GRM8: variants seen among roughly 807,000 people sequenced by gnomAD.
The protein encoded by GRM8 is glutamate metabotropic receptor 8.
In GRM8, 47 loss-of-function variants were observed where a neutral mutation model predicts 87.2. The observed-to-expected ratio is 0.54, with a 90% CI of 0.43 to 0.69. The LOEUF (loss-of-function observed/expected upper bound fraction) is 0.69, where lower values mean the gene tolerates loss of function less well. Ranked by LOEUF, GRM8 falls within the 30% of genes least tolerant of loss-of-function variation. The probability of loss-of-function intolerance (pLI) is 0.00; values close to 1 mark genes in which losing one functional copy is unlikely to be tolerated. For missense variants in GRM8, 1,019 were observed against 1,139.2 expected (o/e 0.89, Z 1.52); for synonymous variants, 396 against 404.5 (o/e 0.98, Z 0.25).
intron 7 of GRM8, among the ~76,000 whole-genome samples, chr7:126,662,817 T>C (rs1031737944): frequency 2.0e-5 from 3 of 152,164 alleles, no homozygotes; most frequent in African/African-American, 7.2e-5. Context: ...AAATGGATTA[T>C]GAAATGTTTA....
chr7:126,733,638 GA>G (rs1316632468), intron 7 of GRM8, among the ~76,000 whole-genome samples: 5 of 151,844 alleles, frequency 3.3e-5, no homozygotes, highest in Admixed American at 1.3e-4. Flanking sequence ...TAGACATTTG[GA>G]AAAAATTGAT....
At chr7:126,506,229 T>C (rs1022640332) in intron 9 of GRM8, among the ~76,000 whole-genome samples, 3 of 151,394 alleles carry the variant, frequency 2.0e-5, no homozygotes, top group Middle Eastern at 3.2e-3. Context: ...ACACGTATGA[T>C]TGTGTGTGTG....
intron 9 of GRM8, among the ~76,000 whole-genome samples, chr7:126,472,362 T>C (rs1805374713): frequency 6.6e-6 from 1 of 152,134 alleles, no homozygotes; most frequent in Non-Finnish European, 1.5e-5. Context: ...ATACCTCCCA[T>C]CAATACCTAA....
intron 3 of GRM8, among the ~76,000 whole-genome samples, chr7:127,076,888 G>T (rs1410347012): frequency 6.6e-6 from 1 of 152,268 alleles, no homozygotes. Flanking sequence ...GCTGTCTGTG[G>T]TTAAACAGTG....
intron 9 of GRM8, among the ~76,000 whole-genome samples, chr7:126,489,215 C>A (rs9886130): frequency 6.6e-6 from 1 of 151,598 alleles, no homozygotes; most frequent in Admixed American, 6.6e-5. Context: ...ATTTAAATGA[C>A]GTATTTTATG....
At chr7:127,242,574 G>T (rs942039675) in intron 2 of GRM8, 121 bp downstream of exon 2, 27 of 882,158 alleles carry the variant, frequency 3.1e-5, no homozygotes, top group Non-Finnish European at 4.7e-5. Flanking sequence ...GAGGAACCTG[G>T]TAACACCAAA....
chr7:127,095,875 C>G (rs1824601461), intron 3 of GRM8: 1 of 152,144 alleles, frequency 6.6e-6, no homozygotes, highest in Admixed American at 6.5e-5. Context: ...AAGCAAAGAC[C>G]ATGATTTGTC....
intron 9 of GRM8, among the ~76,000 whole-genome samples, chr7:126,479,008 T>C (rs1480199298): frequency 1.3e-5 from 2 of 152,088 alleles, no homozygotes; most frequent in African/African-American, 4.8e-5. Flanking sequence ...CACATATTTC[T>C]CAGAAGATGA....
At chr7:126,517,377 A>G (rs1156837373) in intron 9 of GRM8, among the ~76,000 whole-genome samples, 1 of 152,088 alleles carries the variant, frequency 6.6e-6, no homozygotes, top group African/African-American at 2.4e-5. Context: ...ACTCAAACCA[A>G]TCCTGTGTGC....
At chr7:127,008,849 G>A (rs1814590276) in intron 3 of GRM8, among the ~76,000 whole-genome samples, 1 of 152,084 alleles carries the variant, frequency 6.6e-6, no homozygotes, top group Non-Finnish European at 1.5e-5. Context: ...CATCAAAGAT[G>A]TCAACTGCTT....
intron 2 of GRM8, among the ~76,000 whole-genome samples, chr7:127,114,670 G>C (rs1826594916): frequency 6.6e-6 from 1 of 152,134 alleles, no homozygotes; most frequent in South Asian, 2.1e-4. Context: ...TAAAATTTTA[G>C]CAGCAAATCA....
At chr7:126,800,886 G>C in intron 6 of GRM8, among the ~76,000 whole-genome samples, 1 of 152,008 alleles carries the variant, frequency 6.6e-6, no homozygotes, top group Non-Finnish European at 1.5e-5. Flanking sequence ...TTAAAGCCAT[G>C]TATTATTAGT....
rs189781980 is a variant in GRM8 at position 126,923,260 on chromosome 7, C to A, written c.728-18577G>T. On this transcript the variant is annotated intron_variant, in intron 3 of 10. Coordinates refer to ENST00000339582, the MANE Select transcript of GRM8 (RefSeq NM_000845.3). ...ATTTTTAGGAACAAAATCCAGAAAA[C>A]AACCTGCATTGACTAAAATAATAAG... is the stretch of plus-strand genomic sequence containing the variant. Among the ~76,000 whole-genome samples, 782 of 152,236 alleles carry A rather than the reference C, an allele frequency of 5.1e-3. 10 individuals are homozygous for A. Among genetic ancestry groups the A allele is most frequent in the African/African-American group, 0.018 (744 of 41,530 alleles).
intron 9 of GRM8, among the ~76,000 whole-genome samples, chr7:126,488,986 A>G (rs1227287280): frequency 6.6e-6 from 1 of 151,770 alleles, no homozygotes; most frequent in Non-Finnish European, 1.5e-5. Flanking sequence ...TACTTAATAT[A>G]TTATAGAATA....
chr7:126,951,936 A>C (rs1808209044), intron 3 of GRM8, among the ~76,000 whole-genome samples: 1 of 151,974 alleles, frequency 6.6e-6, no homozygotes, highest in African/African-American at 2.4e-5. Context: ...GCCTGCTGAG[A>C]AGGCTTAGAG....
intron 7 of GRM8, among the ~76,000 whole-genome samples, chr7:126,672,907 C>T (rs893897719): frequency 1.3e-5 from 2 of 152,082 alleles, no homozygotes; most frequent in Non-Finnish European, 2.9e-5. Context: ...CCTGCTGTTT[C>T]CCCAAAACAG....
intron 3 of GRM8, among the ~76,000 whole-genome samples, chr7:126,970,862 A>G (rs527886638): frequency 1.3e-5 from 2 of 152,186 alleles, no homozygotes; most frequent in East Asian, 3.9e-4. Context: ...CCTAATTCCA[A>G]TATTGTTGTG....
At chr7:126,809,556 C>T (rs1793098923) in intron 6 of GRM8, among the ~76,000 whole-genome samples, 1 of 152,168 alleles carries the variant, frequency 6.6e-6, no homozygotes, top group Admixed American at 6.5e-5. Context: ...GCCTTTGTAA[C>T]ACTCCCGTTC....
At chr7:126,851,902 T>A (rs1179765728) in intron 6 of GRM8, among the ~76,000 whole-genome samples, 5 of 152,150 alleles carry the variant, frequency 3.3e-5, no homozygotes, top group Admixed American at 6.5e-5. Flanking sequence ...CTAACCCCCA[T>A]AGGGACAGGA....
Sources: gnomAD v4.1 joint callset for allele counts (sites outside exome capture counted in the v4.1 genomes callset) on GRCh38, gnomAD v4.1.1 for gene constraint, MANE v1.5 for transcripts, NCBI Gene and HGNC (gene_info 2026-07-23, HGNC 2026-07-21) for gene names.